The following ADAMTSL1 variants were observed in gnomAD, a reference collection of about 807,000 sequenced individuals.
ADAMTSL1 encodes the protein ADAMTS-like protein 1.
ADAMTSL1 carries 126 observed loss-of-function variants against 201.8 expected under a neutral mutation model. The ratio of observed to expected loss-of-function variants is 0.62; its 90% CI spans 0.54 to 0.72. The LOEUF is 0.72. Among genes scored for constraint, ADAMTSL1 ranks in the 30% least tolerant of loss-of-function variants. ADAMTSL1 has a pLI of 0.00. For missense variants in ADAMTSL1, 2,679 were observed against 2,277.8 expected (o/e 1.18, Z -3.59); for synonymous variants, 1,121 against 903.4 (o/e 1.24, Z -4.32).
intron 26 of ADAMTSL1, among the ~76,000 whole-genome samples, chr9:18,894,628 G>A (rs770352901): frequency 6.6e-6 from 1 of 151,904 alleles, no homozygotes; most frequent in Non-Finnish European, 1.5e-5. Flanking sequence ...AGAAAAAAAA[G>A]AGGGTGGATT....
intron 5 of ADAMTSL1, among the ~76,000 whole-genome samples, chr9:18,633,645 T>TA (rs947971336): frequency 4.0e-5 from 6 of 151,646 alleles, no homozygotes; most frequent in Admixed American, 3.9e-4. Context: ...TAACTTTTTT[T>TA]TTTTTTTTTT....
intron 2 of ADAMTSL1, among the ~76,000 whole-genome samples, chr9:18,340,626 G>C (rs149890271): frequency 6.6e-6 from 1 of 152,118 alleles, no homozygotes. Context: ...GGGACCAGGT[G>C]GGAGGTAATT....
intron 2 of ADAMTSL1, among the ~76,000 whole-genome samples, chr9:18,338,346 C>G (rs1257018425): frequency 6.6e-6 from 1 of 152,058 alleles, no homozygotes; most frequent in East Asian, 1.9e-4. Context: ...AGTGGGCTTC[C>G]TTCCTATTAG....
chr9:18,187,153 G>C (rs1828774065), intron 2 of ADAMTSL1, among the ~76,000 whole-genome samples: 1 of 152,026 alleles, frequency 6.6e-6, no homozygotes, highest in African/African-American at 2.4e-5. Flanking sequence ...CTCAGTCATG[G>C]GCCTAACTAA....
chr9:18,031,999 G>A (rs764718722), intron 1 of ADAMTSL1, among the ~76,000 whole-genome samples: 4 of 152,210 alleles, frequency 2.6e-5, no homozygotes, highest in Non-Finnish European at 4.4e-5. Context: ...GGTCCACCTA[G>A]TTCATGCTTT....
intron 1 of ADAMTSL1, among the ~76,000 whole-genome samples, chr9:17,978,282 T>G (rs1472278557): frequency 6.6e-6 from 1 of 152,096 alleles, no homozygotes; most frequent in Non-Finnish European, 1.5e-5. Flanking sequence ...TTAATCGATT[T>G]TCATTTCAAG....
intron 2 of ADAMTSL1, among the ~76,000 whole-genome samples, chr9:18,367,896 A>AT (rs1333835758): frequency 1.3e-5 from 2 of 151,306 alleles, no homozygotes; most frequent in Non-Finnish European, 2.9e-5. Flanking sequence ...TTTTATTTTT[A>AT]TTTTATTTTA....
chr9:18,882,535 C>T (rs962813636), intron 23 of ADAMTSL1, among the ~76,000 whole-genome samples: 15 of 152,230 alleles, frequency 9.9e-5, no homozygotes, highest in Non-Finnish European at 1.6e-4. Context: ...TATAGGTGCC[C>T]GGATCCCAGG....
chr9:18,113,045 C>G (rs1421859453), intron 1 of ADAMTSL1, among the ~76,000 whole-genome samples: 1 of 152,004 alleles, frequency 6.6e-6, no homozygotes, highest in African/African-American at 2.4e-5. Context: ...AGGGAGTTAG[C>G]TAGAAGGTTG....
Position 18,801,896 on chromosome 9 carries a change from C to A in ADAMTSL1, c.3805+6372C>A, listed in dbSNP as rs1000313638. On this transcript the variant is annotated intron_variant, in intron 20 of 28. Transcript: ENST00000380548. ...CTGGGTATATACCTAATAATGGGTT[C>A]TTTACTTTTAACAGCTTTATCAAGG... is the stretch of plus-strand genomic sequence containing the variant. 6.4e-4 allele frequency among the ~76,000 whole-genome samples: 98 copies of A among 152,140 alleles called. 1 individual carries two copies. Among genetic ancestry groups the A allele is most frequent in the Middle Eastern group, 6.8e-3 (2 of 294 alleles).
chr9:18,888,064 T>C (rs770917067), intron 24 of ADAMTSL1, 21 bp downstream of exon 24: 3 of 1,604,304 alleles, frequency 1.9e-6, no homozygotes, highest in East Asian at 2.2e-5. Flanking sequence ...CTGCAGACTT[T>C]GCATACTGGA....
chr9:18,893,725 G>A (rs896490769), intron 26 of ADAMTSL1, among the ~76,000 whole-genome samples: 12 of 152,138 alleles, frequency 7.9e-5, no homozygotes, highest in African/African-American at 2.9e-4. Flanking sequence ...CTGATATTGT[G>A]CTTCAAACTG....
chr9:18,746,917 C>T (rs536838186), intron 15 of ADAMTSL1, among the ~76,000 whole-genome samples: 1 of 152,216 alleles, frequency 6.6e-6, no homozygotes, highest in South Asian at 2.1e-4. Context: ...TGGGGAAGAC[C>T]ACACTCTGCC....
intron 15 of ADAMTSL1, among the ~76,000 whole-genome samples, chr9:18,738,134 G>GGTGATA (rs1818623759): frequency 1.3e-5 from 2 of 152,116 alleles, no homozygotes; most frequent in Non-Finnish European, 2.9e-5. Flanking sequence ...ACTAAGAGCT[G>GGTGATA]GAATCAGGTG....
At chr9:18,469,713 G>T (rs1257754645), upstream of ADAMTSL1, among the ~76,000 whole-genome samples, 2 of 152,254 alleles carry the variant, frequency 1.3e-5, no homozygotes, top group Non-Finnish European at 2.9e-5. Flanking sequence ...ATAGCAACTG[G>T]TTAGCATGGT....
chr9:18,490,616 A>G (rs887892796), intron 1 of ADAMTSL1, among the ~76,000 whole-genome samples: 2 of 152,180 alleles, frequency 1.3e-5, no homozygotes, highest in Non-Finnish European at 1.5e-5. Flanking sequence ...GATAAGATCA[A>G]TCGGAGCACA....
At chr9:17,953,649 A>T (rs1038523255) in intron 1 of ADAMTSL1, among the ~76,000 whole-genome samples, 1 of 152,234 alleles carries the variant, frequency 6.6e-6, no homozygotes, top group Non-Finnish European at 1.5e-5. Context: ...AACATATAAC[A>T]TTAAATTTGA....
At chr9:18,309,854 A>G (rs1210866641) in intron 2 of ADAMTSL1, among the ~76,000 whole-genome samples, 2 of 152,134 alleles carry the variant, frequency 1.3e-5, no homozygotes. Context: ...TTTCATATGG[A>G]ACCAAAAAAG....
intron 1 of ADAMTSL1, among the ~76,000 whole-genome samples, chr9:18,081,534 G>A (rs2131775256): frequency 6.6e-6 from 1 of 152,208 alleles, no homozygotes; most frequent in Non-Finnish European, 1.5e-5. Context: ...AGGTGGATCA[G>A]GGCAATACTT....
Sources: gnomAD v4.1 joint callset for allele counts (sites outside exome capture counted in the v4.1 genomes callset) on GRCh38, gnomAD v4.1.1 for gene constraint, MANE v1.5 for transcripts, NCBI Gene and HGNC (gene_info 2026-07-23, HGNC 2026-07-21) for gene names.